Variants in IGFL2 observed in about 807,000 individuals in gnomAD.
The protein encoded by IGFL2 is insulin growth factor-like family member 2.
IGFL2 carries 7 observed loss-of-function variants against 13.9 expected under a neutral mutation model. That is an observed-to-expected ratio of 0.51 (90% CI 0.29 to 0.95). The LOEUF is 0.95. Among genes scored for constraint, IGFL2 ranks in the 40% least tolerant of loss-of-function variants. The probability of loss-of-function intolerance (pLI) is 0.08; values close to 1 mark genes in which losing one functional copy is unlikely to be tolerated. For synonymous variants in IGFL2, 55 were observed against 55.8 expected (o/e 0.99, Z 0.07); for missense variants, 138 against 147.8 (o/e 0.93, Z 0.34).
At chr19:46,122,614 C>G in the IGFL2 span, among the ~76,000 whole-genome samples, 1 of 150,946 alleles carries the variant, frequency 6.6e-6, no homozygotes, top group South Asian at 2.1e-4. Flanking sequence ...CATCCAAGGC[C>G]TGATTGCTGT....
At chr19:46,145,296 T>C (rs1973062700), upstream of IGFL2, among the ~76,000 whole-genome samples, 1 of 152,112 alleles carries the variant, frequency 6.6e-6, no homozygotes, top group Non-Finnish European at 1.5e-5. Flanking sequence ...GTATTGTCGA[T>C]ATTCTCTCTC....
At chr19:46,115,082 T>C in the IGFL2 span, among the ~76,000 whole-genome samples, 1 of 152,240 alleles carries the variant, frequency 6.6e-6, no homozygotes, top group Non-Finnish European at 1.5e-5. Flanking sequence ...ATGCTAATAT[T>C]GAGGACCAGT....
At chr19:46,089,410 G>T in the IGFL2 span, among the ~76,000 whole-genome samples, 6 of 152,224 alleles carry the variant, frequency 3.9e-5, no homozygotes, top group African/African-American at 1.4e-4. Flanking sequence ...ATACACCACT[G>T]TTACAGTATA....
chr19:46,078,602 G>A, the IGFL2 span, among the ~76,000 whole-genome samples: 1 of 152,288 alleles, frequency 6.6e-6, no homozygotes, highest in African/African-American at 2.4e-5. Flanking sequence ...ATTATTTTTT[G>A]TAGGGGTTAT....
At chr19:46,103,561 T>C in the IGFL2 span, among the ~76,000 whole-genome samples, 1 of 152,106 alleles carries the variant, frequency 6.6e-6, no homozygotes, top group Non-Finnish European at 1.5e-5. Context: ...GGGATAGTAC[T>C]AGGAGATATC....
the IGFL2 span, among the ~76,000 whole-genome samples, chr19:46,199,364 A>G: frequency 6.6e-6 from 1 of 152,186 alleles, no homozygotes; most frequent in Non-Finnish European, 1.5e-5. Flanking sequence ...CAGTTCCACC[A>G]AGGCAGAGCT....
chr19:46,081,249 A>G, the IGFL2 span, among the ~76,000 whole-genome samples: 3 of 152,220 alleles, frequency 2.0e-5, no homozygotes, highest in African/African-American at 7.2e-5. Context: ...GCGTTTTTAT[A>G]TGTAACATTT....
the IGFL2 span, chr19:46,136,839 T>G: frequency 5.6e-6 from 4 of 710,256 alleles, no homozygotes; most frequent in Non-Finnish European, 1.0e-5. Context: ...CTGGTTGAGA[T>G]CCATTGGAGT....
intron 1 of IGFL2, among the ~76,000 whole-genome samples, chr19:46,152,427 C>T (rs1973553009): frequency 6.6e-6 from 1 of 152,050 alleles, no homozygotes; most frequent in Admixed American, 6.6e-5. Flanking sequence ...CAGGCATGTG[C>T]CACCATCCCT....
the IGFL2 span, among the ~76,000 whole-genome samples, chr19:46,132,612 A>G: frequency 6.7e-6 from 1 of 150,344 alleles, no homozygotes; most frequent in Non-Finnish European, 1.5e-5. Flanking sequence ...GAGGGCCAGT[A>G]TGACAGAGAA....
intron 1 of IGFL2, chr19:46,160,093 T>G: frequency 2.7e-6 from 1 of 375,456 alleles, no homozygotes; most frequent in Non-Finnish European, 5.0e-6. Flanking sequence ...CCTTATCACC[T>G]TAATCTTAAC....
At chr19:46,146,008 A>T (rs1485942256), upstream of IGFL2, among the ~76,000 whole-genome samples, 2 of 152,162 alleles carry the variant, frequency 1.3e-5, no homozygotes, top group Admixed American at 6.5e-5. Context: ...ATCTGTTTTT[A>T]AAAAATGGAT....
chr19:46,162,724 G>T (rs1028856290), downstream of IGFL2, among the ~76,000 whole-genome samples: 3 of 151,992 alleles, frequency 2.0e-5, no homozygotes, highest in African/African-American at 7.3e-5. Flanking sequence ...TGTTTTCCTT[G>T]GATTGGGTTT....
the IGFL2 span, among the ~76,000 whole-genome samples, chr19:46,085,577 A>G: frequency 6.6e-6 from 1 of 151,510 alleles, no homozygotes; most frequent in Non-Finnish European, 1.5e-5. Flanking sequence ...TTCTTTATCT[A>G]ACATGCTCCT....
At position 46,153,841 on chromosome 19, in the gene IGFL2, T is replaced by A. The variant is rs535797022; in HGVS notation, c.19+5544T>A. Reference sequence around the variant, plus strand: ...TGTATATATATATATATATATATATTTTTTTTACTTTAAGTTCTGGGATTC... The same window carrying A: ...TGTATATATATATATATATATATATATTTTTTACTTTAAGTTCTGGGATTC... On this transcript the variant is annotated intron_variant, in intron 1 of 3. Coordinates refer to ENST00000377693, the MANE Select transcript of IGFL2 (RefSeq NM_001135113.2). 9.8e-3 allele frequency among the ~76,000 whole-genome samples: 1,442 copies of A among 147,096 alleles called. 12 individuals carry two copies. Among genetic ancestry groups the A allele is most frequent in the South Asian group, 0.038 (175 of 4,648 alleles).
At chr19:46,131,933 C>A in the IGFL2 span, among the ~76,000 whole-genome samples, 2 of 152,060 alleles carry the variant, frequency 1.3e-5, no homozygotes, top group Admixed American at 1.3e-4. Context: ...AGCGAGACTC[C>A]CTCTCAAACA....
the IGFL2 span, among the ~76,000 whole-genome samples, chr19:46,194,859 T>A: frequency 0.085 from 6,704 of 78,980 alleles, 171 homozygotes; most frequent in Non-Finnish European, 0.13. Flanking sequence ...TATATTTTTT[T>A]TTTTTTTTTT....
the IGFL2 span, among the ~76,000 whole-genome samples, chr19:46,188,936 G>C: frequency 2.0e-5 from 3 of 152,208 alleles, no homozygotes; most frequent in African/African-American, 7.2e-5. Flanking sequence ...AGAGAGTCCT[G>C]GGATGTAGGG....
the IGFL2 span, among the ~76,000 whole-genome samples, chr19:46,090,057 C>G: frequency 6.6e-6 from 1 of 151,552 alleles, no homozygotes; most frequent in South Asian, 2.1e-4. Flanking sequence ...TTCTTTTTTC[C>G]CCTCTGATGG....
Sources: allele counts gnomAD v4.1 joint callset (sites outside exome capture counted in the v4.1 genomes callset), GRCh38; gene constraint gnomAD v4.1.1; transcripts MANE v1.5; gene names NCBI Gene and HGNC (gene_info 2026-07-23, HGNC 2026-07-21).